CD82: variants seen among roughly 807,000 people sequenced by gnomAD.
The protein encoded by CD82 is CD82 antigen.
Under a neutral mutation model 37.4 loss-of-function variants are expected in CD82, and 36 were observed. The observed-to-expected ratio is 0.96, with a 90% CI of 0.74 to 1.27. The LOEUF (loss-of-function observed/expected upper bound fraction) is 1.27, where lower values mean the gene tolerates loss of function less well. Among genes scored for constraint, CD82 ranks in the 50% most tolerant of loss-of-function variants. The pLI is 0.00. For missense variants in CD82, 340 were observed against 347.0 expected (o/e 0.98, Z 0.16); for synonymous variants, 158 against 137.4 (o/e 1.15, Z -1.05).
intron 1 of CD82, among the ~76,000 whole-genome samples, chr11:44,577,724 A>G (rs927443260): frequency 2.6e-5 from 4 of 151,712 alleles, no homozygotes; most frequent in African/African-American, 7.3e-5. Context: ...AGTGCAAAAC[A>G]TCTAGCACTG....
intron 4 of CD82, among the ~76,000 whole-genome samples, chr11:44,600,692 G>A (rs1200927862): frequency 6.6e-6 from 1 of 152,236 alleles, no homozygotes; most frequent in African/African-American, 2.4e-5. Flanking sequence ...TCAGGTGTGT[G>A]CACAGATGAG....
At chr11:44,600,287 C>T (rs992948488) in intron 4 of CD82, 57 bp downstream of exon 4, 20 of 1,492,138 alleles carry the variant, frequency 1.3e-5, no homozygotes, top group African/African-American at 2.7e-5. Flanking sequence ...AGGGCCAGGG[C>T]GCAGATACAG....
intron 1 of CD82, among the ~76,000 whole-genome samples, chr11:44,583,012 TG>T (rs1159807185): frequency 2.0e-5 from 3 of 151,506 alleles, no homozygotes; most frequent in Non-Finnish European, 4.4e-5. Flanking sequence ...CCAGAAGGGG[TG>T]GGGGTAGGGG....
chr11:44,618,109 GC>G, intron 7 of CD82, 52 bp from the exon 8 acceptor site: 1 of 1,556,222 alleles, frequency 6.4e-7, no homozygotes, highest in South Asian at 1.1e-5. Flanking sequence ...CAGGAGGGCA[GC>G]CTGCCTAGGG....
intron 8 of CD82, 73 bp downstream of exon 8, chr11:44,618,438 T>G: frequency 7.5e-7 from 1 of 1,328,414 alleles, no homozygotes; most frequent in Non-Finnish European, 1.1e-6. Flanking sequence ...TGCTCAGCAA[T>G]TCCTTCCTGC....
intron 6 of CD82, among the ~76,000 whole-genome samples, chr11:44,611,876 C>G (rs978005330): frequency 2.6e-5 from 4 of 152,136 alleles, no homozygotes; most frequent in Admixed American, 2.0e-4. Flanking sequence ...AACCACCCAG[C>G]TTCCATCACC....
At chr11:44,590,787 G>A (rs1853134139) in intron 2 of CD82, among the ~76,000 whole-genome samples, 1 of 152,214 alleles carries the variant, frequency 6.6e-6, no homozygotes, top group Non-Finnish European at 1.5e-5. Flanking sequence ...TGGGAGGGCA[G>A]AGCCGGGCAT....
At chr11:44,575,219 C>A (rs1397746821) in intron 1 of CD82, among the ~76,000 whole-genome samples, 4 of 152,174 alleles carry the variant, frequency 2.6e-5, no homozygotes, top group Admixed American at 6.5e-5. Context: ...TGGAGAAAGG[C>A]AGATAGATAT....
intron 1 of CD82, among the ~76,000 whole-genome samples, chr11:44,577,892 G>A (rs1471285637): frequency 6.6e-6 from 1 of 152,166 alleles, no homozygotes; most frequent in African/African-American, 2.4e-5. Flanking sequence ...TCTAGGTAGG[G>A]GGTGTCCTCG....
Position 44,575,754 on chromosome 11 carries a change from C to G in CD82, c.-103+10018C>G, listed in dbSNP as rs376140433. Among the ~76,000 whole-genome samples the G allele has an allele frequency of 9.9e-5, 15 of 152,252 alleles. No homozygotes were observed. In the East Asian group the frequency reaches 2.5e-3, roughly 25 times the overall value. ...CTGAACTCACCTTCCCCTCCTACCC[C>G]CACCTCACCACCCCTTCTCCCATGT... On this transcript the variant is annotated intron_variant, in intron 1 of 9. Transcript: ENST00000227155.
chr11:44,612,941 C>T (rs1222822218), intron 6 of CD82, among the ~76,000 whole-genome samples: 1 of 152,028 alleles, frequency 6.6e-6, no homozygotes, highest in Non-Finnish European at 1.5e-5. Flanking sequence ...CCAGCCCCAG[C>T]ATTAATTTAA....
chr11:44,592,607 G>A (rs141048254), intron 2 of CD82, among the ~76,000 whole-genome samples: 158 of 152,314 alleles, frequency 1.0e-3, no homozygotes, highest in Non-Finnish European at 1.9e-3. Flanking sequence ...TGAGAGAGAG[G>A]AAAAACAATA....
At chr11:44,577,771 C>G (rs528234642) in intron 1 of CD82, among the ~76,000 whole-genome samples, 12 of 152,276 alleles carry the variant, frequency 7.9e-5, no homozygotes, top group African/African-American at 2.9e-4. Flanking sequence ...AAATGCCAGT[C>G]CCTCATCTTC....
intron 2 of CD82, among the ~76,000 whole-genome samples, chr11:44,590,610 C>CAAAAAAAAA (rs56665683): frequency 0.018 from 584 of 33,332 alleles, 112 homozygotes; most frequent in African/African-American, 0.054. Context: ...GATTCTGTCT[C>CAAAAAAAAA]AAAAAAAAAA....
Position 44,590,282 on chromosome 11 carries a change from G to T in CD82, c.-21+2726G>T, listed in dbSNP as rs934015781. Among the ~76,000 whole-genome samples the T allele has an allele frequency of 3.9e-5, 6 of 152,090 alleles. 1 individual carries two copies. The South Asian group carries it at 1.0e-3, about 26-fold the overall frequency. Reference sequence around the variant, plus strand: ...TTCCATGTAATTTTCATGCATTAAAGAATCTTTTTATTTTTCTTTTAACTA... The same window carrying T: ...TTCCATGTAATTTTCATGCATTAAATAATCTTTTTATTTTTCTTTTAACTA... On this transcript the variant is annotated intron_variant, in intron 2 of 9. Coordinates refer to ENST00000227155, the MANE Select transcript of CD82 (RefSeq NM_002231.4).
chr11:44,564,532 C>G (rs1175868185), upstream of CD82: 1 of 455,940 alleles, frequency 2.2e-6, no homozygotes, highest in Non-Finnish European at 4.4e-6. Context: ...TCCTCTGGAG[C>G]CTGGGAGGGC....
chr11:44,590,933 G>T (rs1853136883), intron 2 of CD82, among the ~76,000 whole-genome samples: 1 of 152,226 alleles, frequency 6.6e-6, no homozygotes, highest in Non-Finnish European at 1.5e-5. Flanking sequence ...TGACTTCCTT[G>T]CCTGTGTGGG....
At chr11:44,573,647 AG>A (rs1425379681) in intron 1 of CD82, among the ~76,000 whole-genome samples, 1 of 152,196 alleles carries the variant, frequency 6.6e-6, no homozygotes, top group Non-Finnish European at 1.5e-5. Context: ...TGGTTGAGCA[AG>A]TCTCCTTGTT....
chr11:44,572,921 G>A (rs554586552), intron 1 of CD82, among the ~76,000 whole-genome samples: 1 of 152,332 alleles, frequency 6.6e-6, no homozygotes, highest in Admixed American at 6.5e-5. Flanking sequence ...TACCCGTCCC[G>A]CCACAGGACG....
Sources: allele counts gnomAD v4.1 joint callset (sites outside exome capture counted in the v4.1 genomes callset), GRCh38; gene constraint gnomAD v4.1.1; transcripts MANE v1.5; gene names NCBI Gene and HGNC (gene_info 2026-07-23, HGNC 2026-07-21).